Variants in POC1A observed in about 807,000 individuals in gnomAD.
The protein encoded by POC1A is POC1 centriolar protein A, also known as POC1 centriolar protein homolog A.
Under a neutral mutation model 47.8 loss-of-function variants are expected in POC1A, and 34 were observed. That is an observed-to-expected ratio of 0.71 (90% CI 0.54 to 0.95). The LOEUF (loss-of-function observed/expected upper bound fraction) is 0.95, where lower values mean the gene tolerates loss of function less well. Ranked by LOEUF, POC1A falls within the 40% of genes least tolerant of loss-of-function variation. The pLI is 0.00. For missense variants in POC1A, 466 were observed against 528.3 expected (o/e 0.88, Z 1.16); for synonymous variants, 177 against 207.6 (o/e 0.85, Z 1.27).
In POC1A at chr3:52,127,394, C is replaced by CT. The variant is rs11348693; in HGVS notation, c.814-2214dup. Among the ~76,000 whole-genome samples the CT allele has an allele frequency of 1.9e-3, 279 of 143,424 alleles. 1 individual carries two copies. The highest frequency in any genetic ancestry group is 0.014 in the Middle Eastern group (4 of 276). 94.1% of individuals were successfully genotyped at this position (143,424 alleles called of 152,430 possible). A position where few individuals can be genotyped will look rare whatever the true frequency, so the allele number is the denominator to read the frequency against. The stretch of plus-strand genomic sequence containing the variant: ...TTTTCATTTTTCCGTTACTTTGAAC[C>CT]TTTTTTTTTTTTTTGAGGCAGAGTC... On this transcript the variant is annotated intron_variant, in intron 7 of 10. Transcript: ENST00000296484.
rs1180152879 is a variant in POC1A, at chr3:52,122,409, TG to T, written c.950del (p.Pro317GlnfsTer37). 11 of 1,611,840 alleles carry T rather than the reference TG, an allele frequency of 6.8e-6. No homozygotes were observed. Among genetic ancestry groups the T allele is most frequent in the Non-Finnish European group, 8.5e-6 (10 of 1,178,018 alleles). On this transcript the variant is annotated frameshift_variant, in exon 9 of 11. Transcript: ENST00000296484. LOFTEE classifies it high-confidence loss of function. ...TCCCCATGGAGCTGGCCAGTGTGGC[TG>T]GGGGCCTCGGCACTTTCGTGACTTC... ...HGEVTKVPRP[P>X]ATLASSMGNL... is the part of the protein sequence containing the mutation.
At chr3:52,095,161 C>T (rs147426954) in intron 10 of POC1A, among the ~76,000 whole-genome samples, 8 of 152,288 alleles carry the variant, frequency 5.3e-5, no homozygotes, top group East Asian at 3.9e-4. Context: ...CAGTTGCTGA[C>T]GGGTTTGAAG....
chr3:52,095,925 C>T (rs554979468), intron 10 of POC1A, among the ~76,000 whole-genome samples: 147 of 152,390 alleles, frequency 9.6e-4, no homozygotes, highest in African/African-American at 3.2e-3. Context: ...TGCCAACCTA[C>T]GCTCCAGAGG....
intron 9 of POC1A, among the ~76,000 whole-genome samples, chr3:52,104,880 G>A (rs968693954): frequency 6.6e-6 from 1 of 152,198 alleles, no homozygotes; most frequent in Non-Finnish European, 1.5e-5. Context: ...TGGCAGTCAG[G>A]AGCAAGGTCT....
intron 10 of POC1A, 79 bp from the exon 11 acceptor site, chr3:52,076,064 C>G: frequency 9.2e-7 from 1 of 1,082,416 alleles, no homozygotes; most frequent in South Asian, 1.3e-5. Context: ...CCAGTCCCCA[C>G]TTGGCTGCCT....
At chr3:52,141,993 G>A (rs1176310382) in intron 6 of POC1A, among the ~76,000 whole-genome samples, 1 of 152,204 alleles carries the variant, frequency 6.6e-6, no homozygotes, top group Non-Finnish European at 1.5e-5. Flanking sequence ...GGAGCCTGAA[G>A]AGTAAATGAC....
intron 7 of POC1A, among the ~76,000 whole-genome samples, chr3:52,133,252 A>T (rs1340645343): frequency 1.3e-5 from 2 of 152,160 alleles, no homozygotes; most frequent in African/African-American, 4.8e-5. Context: ...CAGAGGATGC[A>T]GCATTCAAGC....
intron 10 of POC1A, among the ~76,000 whole-genome samples, chr3:52,088,298 G>C (rs546143277): frequency 2.6e-4 from 40 of 152,172 alleles, no homozygotes; most frequent in Non-Finnish European, 4.9e-4. Context: ...GGGAAAACCT[G>C]AGCAATCATC....
chr3:52,145,367 G>A (rs1277081333), intron 6 of POC1A, among the ~76,000 whole-genome samples: 1 of 152,186 alleles, frequency 6.6e-6, no homozygotes, highest in Non-Finnish European at 1.5e-5. Flanking sequence ...CATCTGCGGA[G>A]GACACTGTAA....
chr3:52,120,879 A>G (rs1703756174), intron 9 of POC1A, among the ~76,000 whole-genome samples: 1 of 152,204 alleles, frequency 6.6e-6, no homozygotes, highest in Non-Finnish European at 1.5e-5. Flanking sequence ...CAATTCATCC[A>G]AGTTATTTTC....
intron 7 of POC1A, among the ~76,000 whole-genome samples, chr3:52,126,128 C>T (rs1559837057): frequency 6.6e-6 from 1 of 152,228 alleles, no homozygotes; most frequent in African/African-American, 2.4e-5. Context: ...ACAGCACAGC[C>T]ACTGTCACCA....
intron 10 of POC1A, among the ~76,000 whole-genome samples, chr3:52,093,411 G>A (rs1702707100): frequency 6.6e-6 from 1 of 152,172 alleles, no homozygotes; most frequent in African/African-American, 2.4e-5. Flanking sequence ...GCTTCATGAG[G>A]CAGTGGAAAA....
At chr3:52,116,699 A>G (rs1703577342) in intron 9 of POC1A, among the ~76,000 whole-genome samples, 1 of 152,188 alleles carries the variant, frequency 6.6e-6, no homozygotes, top group African/African-American at 2.4e-5. Context: ...TTTTGAACAC[A>G]TAATCTCCTG....
rs560809437 is a variant in POC1A, at chr3:52,131,470, C to T, written c.814-6289G>A. On this transcript the variant is annotated intron_variant, in intron 7 of 10. Coordinates refer to ENST00000296484, the MANE Select transcript of POC1A (RefSeq NM_015426.5). ...CTCCCTTTCCTCCTGCTTAACGTCA[C>T]AGTTGTGTCACACCCCCTGACCAAG... Among the ~76,000 whole-genome samples, 3 of 152,296 alleles carry T rather than the reference C, an allele frequency of 2.0e-5. No homozygotes were observed. In the East Asian group the frequency reaches 5.8e-4, roughly 29 times the overall value.
chr3:52,149,160 C>T (rs768821646), intron 4 of POC1A, 50 bp downstream of exon 4: 5 of 1,567,890 alleles, frequency 3.2e-6, no homozygotes, highest in African/African-American at 1.4e-5. Context: ...CTGGGCCAGC[C>T]CCCAACCCCC....
intron 9 of POC1A, among the ~76,000 whole-genome samples, chr3:52,108,468 A>G (rs1703264887): frequency 6.6e-6 from 1 of 152,154 alleles, no homozygotes. Flanking sequence ...TAACTACTGG[A>G]GTTGAATTTT....
chr3:52,101,822 G>A (rs751530882), intron 9 of POC1A, among the ~76,000 whole-genome samples: 3 of 152,166 alleles, frequency 2.0e-5, no homozygotes, highest in Non-Finnish European at 4.4e-5. Flanking sequence ...AAATTTGCTG[G>A]TAAAAAATTG....
At chr3:52,094,591 C>T (rs887292300) in intron 10 of POC1A, among the ~76,000 whole-genome samples, 1 of 152,282 alleles carries the variant, frequency 6.6e-6, no homozygotes, top group Non-Finnish European at 1.5e-5. Flanking sequence ...GTGCTATGCA[C>T]AGTTCTGAAA....
chr3:52,138,789 G>A (rs1425151381), intron 6 of POC1A, among the ~76,000 whole-genome samples: 1 of 152,200 alleles, frequency 6.6e-6, no homozygotes, highest in African/African-American at 2.4e-5. Flanking sequence ...CTCTTAGGAA[G>A]CAGTCAGGCC....
Sources: allele counts gnomAD v4.1 joint callset (sites outside exome capture counted in the v4.1 genomes callset), GRCh38; gene constraint gnomAD v4.1.1; transcripts MANE v1.5; gene names NCBI Gene and HGNC (gene_info 2026-07-23, HGNC 2026-07-21).